Variants in CLIC5 observed in about 807,000 individuals in gnomAD.
CLIC5 encodes chloride intracellular channel protein 5.
A neutral mutation model predicts 24.7 loss-of-function variants in CLIC5; 20 were observed. The observed-to-expected ratio is 0.81, with a 90% CI of 0.57 to 1.18. CLIC5 has a LOEUF of 1.18. Ranked by LOEUF, CLIC5 falls within the 50% of genes most tolerant of loss-of-function variation. CLIC5 has a pLI of 0.00. For synonymous variants in CLIC5, 159 were observed against 135.6 expected (o/e 1.17, Z -1.20); for missense variants, 341 against 326.1 (o/e 1.05, Z -0.35).
At chr6:45,910,446 G>C (rs558732711) in intron 5 of CLIC5, among the ~76,000 whole-genome samples, 17 of 152,294 alleles carry the variant, frequency 1.1e-4, no homozygotes, top group Admixed American at 5.2e-4. Context: ...CTAGTGTCAA[G>C]TGTAATAAAA....
At chr6:45,922,846 A>G (rs551878298) in intron 4 of CLIC5, among the ~76,000 whole-genome samples, 1 of 151,998 alleles carries the variant, frequency 6.6e-6, no homozygotes, top group African/African-American at 2.4e-5. Context: ...AGAGAGAGAG[A>G]GAGAGAGAGA....
At chr6:45,932,942 A>C (rs1763795155) in intron 4 of CLIC5, 2 of 152,176 alleles carry the variant, frequency 1.3e-5, no homozygotes, top group Non-Finnish European at 2.9e-5. Context: ...GTTAATAAGA[A>C]CCACAATGTC....
intron 4 of CLIC5, among the ~76,000 whole-genome samples, chr6:45,927,943 T>A (rs4714890): frequency 6.6e-6 from 1 of 151,922 alleles, no homozygotes; most frequent in African/African-American, 2.4e-5. Context: ...TCAAATGTAT[T>A]CGCAAGGTAG....
At chr6:45,962,160 T>C (rs1764867284) in intron 1 of CLIC5, among the ~76,000 whole-genome samples, 1 of 149,746 alleles carries the variant, frequency 6.7e-6, no homozygotes, top group Non-Finnish European at 1.5e-5. Context: ...TACATTATAA[T>C]AACATAATAT....
intron 5 of CLIC5, chr6:45,912,464 T>G: frequency 8.1e-7 from 1 of 1,241,904 alleles, no homozygotes; most frequent in Non-Finnish European, 1.0e-6. Context: ...ACAAATGGTT[T>G]TTGAGTGGTA....
At chr6:46,080,953 T>C (rs1452057318), upstream of CLIC5, among the ~76,000 whole-genome samples, 1 of 152,184 alleles carries the variant, frequency 6.6e-6, no homozygotes, top group Non-Finnish European at 1.5e-5. Context: ...TTTTCCCCCT[T>C]AAATCTGCAT....
At chr6:45,895,580 T>G (rs4626421), downstream of CLIC5, among the ~76,000 whole-genome samples, 5 of 152,286 alleles carry the variant, frequency 3.3e-5, no homozygotes, top group East Asian at 9.6e-4. Flanking sequence ...AGATCCAAGG[T>G]GAACCCAGAA....
downstream of CLIC5, among the ~76,000 whole-genome samples, chr6:45,893,979 C>A (rs775859862): frequency 2.0e-5 from 3 of 152,178 alleles, no homozygotes; most frequent in African/African-American, 7.2e-5. Flanking sequence ...CCAGTTCATA[C>A]TCAACTCATC....
At chr6:46,028,121 A>G (rs1311128516) in intron 1 of CLIC5, among the ~76,000 whole-genome samples, 1 of 152,230 alleles carries the variant, frequency 6.6e-6, no homozygotes, top group Non-Finnish European at 1.5e-5. Flanking sequence ...TAATGTGGAA[A>G]GAGTCAAACT....
chr6:46,086,686 G>A, the CLIC5 span, among the ~76,000 whole-genome samples: 2 of 152,190 alleles, frequency 1.3e-5, no homozygotes, highest in African/African-American at 4.8e-5. Context: ...ATTCCAGCTG[G>A]ATTCCAGACA....
At chr6:45,997,175 TA>T (rs1254619166) in intron 1 of CLIC5, among the ~76,000 whole-genome samples, 5 of 150,786 alleles carry the variant, frequency 3.3e-5, no homozygotes, top group Admixed American at 2.6e-4. Flanking sequence ...TATGCAGCCA[TA>T]AAAAATGATG....
At chr6:45,942,754 C>G (rs777948163) in intron 3 of CLIC5, among the ~76,000 whole-genome samples, 8 of 152,142 alleles carry the variant, frequency 5.3e-5, no homozygotes, top group Non-Finnish European at 1.0e-4. Flanking sequence ...GCTAGGATTC[C>G]TTTTGGGGCC....
At position 45,903,041 on chromosome 6, in the gene CLIC5, G is replaced by T; in HGVS notation, c.*47C>A. On this transcript the variant is annotated 3_prime_UTR_variant, in exon 6 of 6. Transcript: ENST00000339561. Reference sequence around the variant, plus strand: ...AGTCTATGAAGCTGGAGTCTTAGGGGAGTGGTTGAGTCCTTCTGCAGCGGG... The same window carrying T: ...AGTCTATGAAGCTGGAGTCTTAGGGTAGTGGTTGAGTCCTTCTGCAGCGGG... 1 of 1,605,966 alleles carries T rather than the reference G, an allele frequency of 6.2e-7. No individual in the cohort carries two copies. Among genetic ancestry groups the T allele is most frequent in the East Asian group, 2.2e-5 (1 of 44,842 alleles).
rs533239987 is a variant in CLIC5 at position 46,044,128 on chromosome 6, G to A, written c.540+35575C>T. ...CCATTAGCACAGTAGTCACCCATGA[G>A]GGTCTCTGTGGTAGTCACCTGTGAA... On this transcript the variant is annotated intron_variant, in intron 1 of 5. Transcript: ENST00000185206. Among the ~76,000 whole-genome samples the A allele has an allele frequency of 1.8e-4, 28 of 152,336 alleles. 2 individuals carry two copies. The South Asian group carries it at 5.2e-3, about 28-fold the overall frequency.
chr6:45,938,391 TG>T (rs1764014309), intron 4 of CLIC5, among the ~76,000 whole-genome samples: 1 of 151,962 alleles, frequency 6.6e-6, no homozygotes, highest in South Asian at 2.1e-4. Flanking sequence ...TCGGGGGTAT[TG>T]GGTGGGAGGA....
At chr6:46,018,172 GC>G (rs575184054), upstream of CLIC5, among the ~76,000 whole-genome samples, 33 of 152,262 alleles carry the variant, frequency 2.2e-4, no homozygotes, top group Admixed American at 1.6e-3. Context: ...ATTCTTAATG[GC>G]AATGTGGCAG....
chr6:45,945,419 T>C (rs1244401892), intron 3 of CLIC5, among the ~76,000 whole-genome samples: 1 of 152,132 alleles, frequency 6.6e-6, no homozygotes. Context: ...ACCAATGGCA[T>C]AGGAAGGAAA....
intron 4 of CLIC5, among the ~76,000 whole-genome samples, chr6:45,927,049 C>A (rs1763526415): frequency 6.6e-6 from 1 of 152,126 alleles, no homozygotes; most frequent in African/African-American, 2.4e-5. Flanking sequence ...GGTGAGGTTC[C>A]ACAGCGGGGA....
intron 1 of CLIC5, among the ~76,000 whole-genome samples, chr6:45,972,642 C>T (rs1321050499): frequency 6.6e-6 from 1 of 152,218 alleles, no homozygotes; most frequent in Admixed American, 6.5e-5. Context: ...TGAAGATTCT[C>T]AGGCCAGCCC....
Sources: allele counts gnomAD v4.1 joint callset (sites outside exome capture counted in the v4.1 genomes callset), GRCh38; gene constraint gnomAD v4.1.1; transcripts MANE v1.5; gene names NCBI Gene and HGNC (gene_info 2026-07-23, HGNC 2026-07-21).